The following MYO5A variants were observed in gnomAD, a reference collection of about 807,000 sequenced individuals.
MYO5A encodes the protein myosin VA.
Under a neutral mutation model 249.7 loss-of-function variants are expected in MYO5A, and 98 were observed. The ratio of observed to expected loss-of-function variants is 0.39; its 90% confidence interval spans 0.33 to 0.46. The LOEUF (loss-of-function observed/expected upper bound fraction) is 0.46. Among genes scored for constraint, MYO5A ranks in the 20% least tolerant of loss-of-function variants. The pLI is 0.98. For synonymous variants in MYO5A, 778 were observed against 810.6 expected (o/e 0.96, Z 0.68); for missense variants, 1,696 against 2,308.8 (o/e 0.73, Z 5.44).
chr15:52,512,202 T>C (rs2077405981), intron 1 of MYO5A, among the ~76,000 whole-genome samples: 1 of 152,024 alleles, frequency 6.6e-6, no homozygotes, highest in African/African-American at 2.4e-5. Context: ...TCACCAAGTT[T>C]GTGTTCCAAT....
At chr15:52,316,830 TTGC>T (rs2038044876) in intron 40 of MYO5A, among the ~76,000 whole-genome samples, 1 of 152,218 alleles carries the variant, frequency 6.6e-6, no homozygotes, top group Non-Finnish European at 1.5e-5. Context: ...CAATAAATAT[TTGC>T]TGAATATTAA....
intron 36 of MYO5A, 91 bp from the exon 37 acceptor site, chr15:52,323,535 T>C: frequency 2.3e-6 from 2 of 851,656 alleles, no homozygotes; most frequent in Non-Finnish European, 3.9e-6. Context: ...CCCATTTCTT[T>C]CAGTTACCAT....
At chr15:52,371,286 CTTTATATCAT>C (rs962697564) in intron 21 of MYO5A, among the ~76,000 whole-genome samples, 4 of 151,970 alleles carry the variant, frequency 2.6e-5, no homozygotes, top group Non-Finnish European at 4.4e-5. Context: ...TCTTAATTAC[CTTTATATCAT>C]TTACATGTGC....
intron 1 of MYO5A, among the ~76,000 whole-genome samples, chr15:52,434,948 A>T (rs1475312302): frequency 6.6e-6 from 1 of 152,202 alleles, no homozygotes. Flanking sequence ...TTTAACAATA[A>T]TCAGGGTACT....
rs1457116691 is a variant in MYO5A at position 52,311,375 on chromosome 15, A to C, written c.*2321T>G. The C allele has an allele frequency of 6.6e-6, 1 of 152,188 alleles. No individual in the cohort carries two copies. The highest frequency in any genetic ancestry group is 2.4e-5 in the African/African-American group (1 of 41,444). 9.4% of individuals were successfully genotyped at this position (152,188 alleles called of 1,614,324 possible). A position where few individuals can be genotyped will look rare whatever the true frequency, so the allele number is the denominator to read the frequency against. On this transcript the variant is annotated 3_prime_UTR_variant, in exon 42 of 42. Coordinates refer to ENST00000399233, the MANE Select transcript of MYO5A (RefSeq NM_001382347.1). Reference sequence around the variant, plus strand: ...GCCTATCGGATGCTGTTAGATTCTGACACATTTGGTACGAACCAAATGGCT... The same window carrying C: ...GCCTATCGGATGCTGTTAGATTCTGCCACATTTGGTACGAACCAAATGGCT...
chr15:52,440,384 C>T (rs1340989641), intron 1 of MYO5A, among the ~76,000 whole-genome samples: 1 of 152,138 alleles, frequency 6.6e-6, no homozygotes, highest in African/African-American at 2.4e-5. Context: ...TCTCCTGCCT[C>T]AGCCTCCCAA....
At position 52,454,164 on chromosome 15, in the gene MYO5A, GGAAA is replaced by G. The variant is rs2076073542; in HGVS notation, c.28-20883_28-20880del. Among the ~76,000 whole-genome samples, 4 of 152,164 alleles carry G rather than the reference GGAAA, an allele frequency of 2.6e-5. No homozygotes were observed. The South Asian group carries it at 8.3e-4, about 32-fold the overall frequency. On this transcript the variant is annotated intron_variant, in intron 1 of 41. Coordinates refer to ENST00000399233, the MANE Select transcript of MYO5A (RefSeq NM_001382347.1). ...ATACGTAGACTGAAAGTGAAGGGAT[GGAAA>G]GAGATATTGCATGCATGTGGAAACC...
chr15:52,483,930 T>C (rs570298768), intron 1 of MYO5A, among the ~76,000 whole-genome samples: 1 of 152,286 alleles, frequency 6.6e-6, no homozygotes, highest in South Asian at 2.1e-4. Flanking sequence ...TGCCAATCCC[T>C]TCCTAAAGCA....
intron 12 of MYO5A, among the ~76,000 whole-genome samples, chr15:52,390,560 C>T (rs201970502): frequency 4.7e-3 from 575 of 121,456 alleles, no homozygotes; most frequent in Middle Eastern, 0.016. Flanking sequence ...TTTTTTTTTT[C>T]TTTTTTTTTT....
At chr15:52,375,248 T>G in intron 20 of MYO5A, 56 bp downstream of exon 20, 5 of 1,574,002 alleles carry the variant, frequency 3.2e-6, no homozygotes, top group Non-Finnish European at 4.4e-6. Context: ...TGTATAGATG[T>G]GAAATTTGGT....
At chr15:52,412,702 T>C (rs1233071892) in intron 5 of MYO5A, among the ~76,000 whole-genome samples, 2 of 152,244 alleles carry the variant, frequency 1.3e-5, no homozygotes, top group Non-Finnish European at 2.9e-5. Context: ...CCTAATACTA[T>C]ATTCACTTTA....
chr15:52,364,758 T>C (rs557791922), intron 23 of MYO5A, 56 bp from the exon 24 acceptor site: 2 of 1,585,002 alleles, frequency 1.3e-6, no homozygotes, highest in East Asian at 2.2e-5. Flanking sequence ...AATGCAATTG[T>C]GTAAACATGT....
intron 28 of MYO5A, 146 bp downstream of exon 28, chr15:52,351,108 C>T: frequency 5.3e-6 from 4 of 761,332 alleles, no homozygotes; most frequent in Non-Finnish European, 9.0e-6. Context: ...TTAAACAACA[C>T]TGGGATTTTT....
intron 1 of MYO5A, 151 bp downstream of exon 1, chr15:52,528,629 G>A: frequency 1.1e-6 from 1 of 899,150 alleles, no homozygotes; most frequent in Non-Finnish European, 1.5e-6. Context: ...GCGGGCGACC[G>A]GCTGGTAGGG....
Position 52,346,330 on chromosome 15 carries a change from A to G in MYO5A, c.3959+31T>C, listed in dbSNP as rs1337108777. 2.9e-6 allele frequency: 4 copies of G among 1,373,020 alleles called. No homozygotes were observed. The Admixed American group carries it at 7.0e-5, about 24-fold the overall frequency. The allele number at this position is 1,373,020 out of a possible 1,614,324, so 85.1% of individuals were successfully genotyped here. ...GAAGGCTAAAGATCAATATAATTAA[A>G]CCAAAATGAATAAAAGAAGGATCAA... On this transcript the variant is annotated intron_variant, in intron 30 of 41. Transcript: ENST00000399233.
At chr15:52,484,280 A>C (rs969518725) in intron 1 of MYO5A, among the ~76,000 whole-genome samples, 5 of 152,228 alleles carry the variant, frequency 3.3e-5, no homozygotes, top group Non-Finnish European at 5.9e-5. Context: ...AGAACACAAG[A>C]AGCCCTGGCT....
intron 28 of MYO5A, among the ~76,000 whole-genome samples, 166 bp downstream of exon 28, chr15:52,351,088 T>TA (rs1294584982): frequency 2.0e-5 from 3 of 152,220 alleles, no homozygotes; most frequent in African/African-American, 4.8e-5. Context: ...AATTTATACT[T>TA]ACAATAGTTT....
chr15:52,472,080 A>T (rs1595746102), intron 1 of MYO5A, among the ~76,000 whole-genome samples: 1 of 139,588 alleles, frequency 7.2e-6, no homozygotes, highest in African/African-American at 2.6e-5. Context: ...TTATCCTGAC[A>T]TTTTTTTTTT....
At chr15:52,349,162 G>C (rs756101139) in intron 28 of MYO5A, among the ~76,000 whole-genome samples, 4 of 152,112 alleles carry the variant, frequency 2.6e-5, no homozygotes, top group African/African-American at 9.7e-5. Context: ...AATTCTTATC[G>C]TAGGTCTGTG....
Sources: gnomAD v4.1 joint callset for allele counts (sites outside exome capture counted in the v4.1 genomes callset) on GRCh38, gnomAD v4.1.1 for gene constraint, MANE v1.5 for transcripts, NCBI Gene and HGNC (gene_info 2026-07-23, HGNC 2026-07-21) for gene names.